GGT6: variants seen among roughly 807,000 people sequenced by gnomAD.
The protein encoded by GGT6 is glutathione hydrolase 6.
In GGT6, 13 loss-of-function variants were observed where a neutral mutation model predicts 17.0. The observed-to-expected ratio is 0.77, with a 90% CI of 0.50 to 1.22. The LOEUF (loss-of-function observed/expected upper bound fraction) is 1.22, where lower values mean the gene tolerates loss of function less well. Ranked by LOEUF, GGT6 falls within the 50% of genes most tolerant of loss-of-function variation. The probability of loss-of-function intolerance (pLI) is 0.00; values close to 1 mark genes in which losing one functional copy is unlikely to be tolerated. For synonymous variants in GGT6, 305 were observed against 297.9 expected (o/e 1.02, Z -0.25); for missense variants, 628 against 643.7 (o/e 0.98, Z 0.26).
rs771609628 is a variant in GGT6 at position 4,559,363 on chromosome 17, T to A, written c.437A>T (p.His146Leu). Residue 146 changes from histidine (H) to leucine (L), a missense_variant, in exon 3 of 4, where the codon CAT becomes CTT. Coordinates refer to ENST00000381550, the MANE Select transcript of GGT6 (RefSeq NM_001288702.2). Reference protein sequence around the residue: ...VGAALCLAVVHPHATGLGAMF... With the variant: ...VGAALCLAVVLPHATGLGAMF... ...CTGACCTAGCCCCGTGGCATGAGGA[T>A]GCACCACTGCCAGGCACAATGCAGC... 3.2e-6 allele frequency: 5 copies of A among 1,551,434 alleles called. No homozygotes were observed. Among genetic ancestry groups the A allele is most frequent in the Non-Finnish European group, 4.4e-6 (5 of 1,146,760 alleles).
intron 1 of GGT6, chr17:4,559,979 G>A (rs1908524091): frequency 1.7e-6 from 1 of 599,656 alleles, no homozygotes; most frequent in Non-Finnish European, 3.0e-6. Flanking sequence ...AGCCTCTGGA[G>A]GGGAGATTGG....
intron 3 of GGT6, 98 bp from the exon 4 acceptor site, chr17:4,559,155 T>A (rs1908437264): frequency 6.9e-7 from 1 of 1,445,436 alleles, no homozygotes; most frequent in Non-Finnish European, 9.4e-7. Context: ...CAGGAGTTAC[T>A]GACCAGGCCT....
At chr17:4,556,655 C>G (rs1401105002), downstream of GGT6, among the ~76,000 whole-genome samples, 1 of 152,248 alleles carries the variant, frequency 6.6e-6, no homozygotes, top group Non-Finnish European at 1.5e-5. Context: ...TCAACTCCAA[C>G]CCCTTTGTAC....
In GGT6 at chr17:4,558,270, A is replaced by G; in HGVS notation, c.1245T>C (p.Asp415=). The change falls in exon 4 of 4, where the codon GAT becomes GAC. Residue 415 remains aspartate, a synonymous_variant. Transcript: ENST00000381550. ...GCCCCAACACATCAGCCTCTGTGTC[A>G]TCCAGGCTGCCACGGAGGATGAGGG... The part of the protein sequence containing the change: ...ACPLILRGSL[D]DTEADVLGLV... 32 of 1,614,154 alleles carry G rather than the reference A, an allele frequency of 2.0e-5. No homozygotes were observed. The highest frequency in any genetic ancestry group is 2.7e-5 in the Non-Finnish European group (32 of 1,180,044).
rs1010094474 is a variant in GGT6 at position 4,557,107 on chromosome 17, T to C, written c.*908A>G. ...CTCTTTCCACTGTCCTCCTGAAAGCTGGATCTGAACTCAGTGCTAGCCCCA... is the reference window on the plus strand; with the variant it reads ...CTCTTTCCACTGTCCTCCTGAAAGCCGGATCTGAACTCAGTGCTAGCCCCA... On this transcript the variant is annotated 3_prime_UTR_variant, in exon 4 of 4. Coordinates refer to ENST00000381550, the MANE Select transcript of GGT6 (RefSeq NM_001288702.2). The C allele has an allele frequency of 6.6e-6, 1 of 152,254 alleles. No homozygotes were observed. Among genetic ancestry groups the C allele is most frequent in the Admixed American group, 6.5e-5 (1 of 15,276 alleles). The allele number at this position is 152,254 out of a possible 1,614,324, so 9.4% of individuals were successfully genotyped here.
chr17:4,556,445 C>T (rs1908126153), downstream of GGT6, among the ~76,000 whole-genome samples: 1 of 152,114 alleles, frequency 6.6e-6, no homozygotes. Context: ...GAAGAATTTT[C>T]TTGGGAGTGG....
Position 4,559,399 on chromosome 17 carries a change from G to GCAT in GGT6, c.398_400dup (p.Asp133dup). Reference sequence around the variant, plus strand: ...CAGGCACAATGCAGCTCCAACTCCAGCATCCACGACGTTGCCCCCGGCAAC... The same window carrying GCAT: ...CAGGCACAATGCAGCTCCAACTCCAGCATCATCCACGACGTTGCCCCCGGCAAC... On this transcript the variant is annotated inframe_insertion, in exon 3 of 4. Transcript: ENST00000381550. The GCAT allele has an allele frequency of 6.4e-7, 1 of 1,551,748 alleles. No individual in the cohort carries two copies. The highest frequency in any genetic ancestry group is 8.7e-7 in the Non-Finnish European group (1 of 1,147,018).
chr17:4,559,876 G>T, intron 1 of GGT6, 116 bp from the exon 2 acceptor site: 2 of 942,122 alleles, frequency 2.1e-6, no homozygotes, highest in Non-Finnish European at 3.2e-6. Flanking sequence ...GCACAAGTCA[G>T]CCAAGGAGAA....
chr17:4,557,205 G>A lies in GGT6; in HGVS notation c.*810C>T, dbSNP rs1908215509. ...ATAGCTAGAGATTCCATCCGGTGTG[G>A]GTGATCTGAAGAATGATTGTTAGCT... On this transcript the variant is annotated 3_prime_UTR_variant, in exon 4 of 4. Transcript: ENST00000381550. The A allele has an allele frequency of 6.6e-6, 1 of 152,214 alleles. No homozygotes were observed. The highest frequency in any genetic ancestry group is 2.4e-5 in the African/African-American group (1 of 41,434). The allele number at this position is 152,214 out of a possible 1,614,324, so 9.4% of individuals were successfully genotyped here. A position where few individuals can be genotyped will look rare whatever the true frequency, so the allele number is the denominator to read the frequency against.
Position 4,560,510 on chromosome 17 carries a change from TG to T in GGT6, c.11del (p.Ala4GlufsTer34), listed in dbSNP as rs1278485774. MER[A>X]EEPVVYQKLL... is the part of the protein sequence containing the mutation. ...GCTTCTGATAGACCACGGGCTCTTCTGCCCGCTCCATGGCCCCCCAGTGCTC... is the reference window on the plus strand; with the variant it reads ...GCTTCTGATAGACCACGGGCTCTTCTCCCGCTCCATGGCCCCCCAGTGCTC... On this transcript the variant is annotated frameshift_variant, in exon 1 of 4. Coordinates refer to ENST00000381550, the MANE Select transcript of GGT6 (RefSeq NM_001288702.2). LOFTEE classifies it high-confidence loss of function. 6.2e-7 allele frequency: 1 copy of T among 1,611,138 alleles called. No homozygotes were observed. Among genetic ancestry groups the T allele is most frequent in the African/African-American group, 1.3e-5 (1 of 74,944 alleles).
downstream of GGT6, among the ~76,000 whole-genome samples, chr17:4,556,379 G>A (rs1215439224): frequency 6.6e-6 from 1 of 152,156 alleles, no homozygotes; most frequent in Non-Finnish European, 1.5e-5. Context: ...GAGGAAATGA[G>A]GGGGATGCCA....
Position 4,559,024 on chromosome 17 carries a change from G to C in GGT6, c.491C>G (p.Ser164Cys), listed in dbSNP as rs1252920851. 6.5e-7 allele frequency: 1 copy of C among 1,543,104 alleles called. No individual in the cohort carries two copies. The change falls in exon 4 of 4, where the codon TCC becomes TGC. Residue 164 changes from serine (S) to cysteine (C), a missense_variant. By Grantham distance (112) the Ser-to-Cys change is moderately radical. Transcript: ENST00000381550. ...TGTCAGGGCCGTGGAATTGCCTGAG[G>C]AGCTATCGTGGAAGAGGCCCCAAAA... ...AMFWGLFHDSSSGNSTALTSG... is the reference protein window; with the variant it reads ...AMFWGLFHDSCSGNSTALTSG...
Position 4,559,655 on chromosome 17 carries a change from G to T in GGT6, c.246C>A (p.Gly82=). 2 of 1,613,384 alleles carry T rather than the reference G, an allele frequency of 1.2e-6. No homozygotes were observed. Among genetic ancestry groups the T allele is most frequent in the Non-Finnish European group, 1.7e-6 (2 of 1,179,990 alleles). ...CAGAGCCCAAGCTTCCTGTCGACCT[G>T]CCCTGATTCTGGAGCTGCCTCACAG... The part of the protein sequence containing the change: ...SLAVRQLQNQ[G]RSTGSLGSVA... Residue 82 remains glycine (G), a synonymous_variant, in exon 2 of 4, where the codon GGC becomes GGA. Transcript: ENST00000381550.
Position 4,558,899 on chromosome 17 carries a change from G to A in GGT6, c.616C>T (p.Arg206Cys), listed in dbSNP as rs775762724. 3.6e-5 allele frequency: 55 copies of A among 1,548,638 alleles called. No homozygotes were observed. Among genetic ancestry groups the A allele is most frequent in the African/African-American group, 6.8e-5 (5 of 73,024 alleles). ...AGCGTGGTGGGGCCCACTAGCAGGC[G>A]TGGCCAGGGCAGGCGGCCGAAGCGT... is the stretch of plus-strand genomic sequence containing the variant. The part of the protein sequence containing the change: ...HARFGRLPWP[R>C]LLVGPTTLAQ... The change falls in exon 4 of 4, where the codon CGC (arginine) becomes TGC (cysteine). Residue 206 changes from arginine (R) to cysteine (C), a missense_variant. Arg to Cys is a radical substitution (Grantham distance 180). Coordinates refer to ENST00000381550, the MANE Select transcript of GGT6 (RefSeq NM_001288702.2).
rs1267461683 is a variant in GGT6 at position 4,558,558 on chromosome 17, A to C, written c.957T>G (p.Ser319Arg). The part of the protein sequence containing the change: ...VPQGILFTTP[S>R]PSAGPELLAL... ...CCAGCAGTTCTGGGCCAGCTGAGGG[A>C]CTGGGGGTGGTGAACAGGATGCCCT... The change falls in exon 4 of 4, where the codon AGT becomes AGG. Residue 319 changes from serine (S) to arginine (R), a missense_variant. Physicochemically the swap from Ser to Arg is moderately radical, Grantham distance 110 (BLOSUM62 -1). Coordinates refer to ENST00000381550, the MANE Select transcript of GGT6 (RefSeq NM_001288702.2). 5.1e-6 allele frequency: 8 copies of C among 1,570,682 alleles called. No individual in the cohort carries two copies. The Admixed American group carries it at 1.1e-4, about 21-fold the overall frequency.
In GGT6 at chr17:4,558,267, G is replaced by C; in HGVS notation, c.1248C>G (p.Asp416Glu). 1 of 1,614,140 alleles carries C rather than the reference G, an allele frequency of 6.2e-7. No homozygotes were observed. The highest frequency in any genetic ancestry group is 8.5e-7 in the Non-Finnish European group (1 of 1,180,050). The change falls in exon 4 of 4, where the codon GAC becomes GAG. Residue 416 changes from aspartate (D) to glutamate (E), a missense_variant. By Grantham distance (45) the Asp-to-Glu change is conservative. Coordinates refer to ENST00000381550, the MANE Select transcript of GGT6 (RefSeq NM_001288702.2). ...CPLILRGSLD[D>E]TEADVLGLVA... is the part of the protein sequence containing the mutation. ...CAAGCCCCAACACATCAGCCTCTGT[G>C]TCATCCAGGCTGCCACGGAGGATGA...
chr17:4,558,913 C>A lies in GGT6; in HGVS notation c.602G>T (p.Arg201Leu), dbSNP rs1007305971. 1 of 1,548,396 alleles carries A rather than the reference C, an allele frequency of 6.5e-7. No homozygotes were observed. The highest frequency in any genetic ancestry group is 8.7e-7 in the Non-Finnish European group (1 of 1,145,806). The change falls in exon 4 of 4, where the codon CGC (arginine) becomes CTC (leucine). Residue 201 changes from arginine (R) to leucine (L), a missense_variant. Coordinates refer to ENST00000381550, the MANE Select transcript of GGT6 (RefSeq NM_001288702.2). ...TLHLLHARFG[R>L]LPWPRLLVGP... ...CACTAGCAGGCGTGGCCAGGGCAGG[C>A]GGCCGAAGCGTGCATGCAGCAGGTG...
Position 4,557,723 on chromosome 17 carries a change from TCAAG to T in GGT6, c.*288_*291del. 1 of 310,694 alleles carries T rather than the reference TCAAG, an allele frequency of 3.2e-6. No individual in the cohort carries two copies. The highest frequency in any genetic ancestry group is 6.0e-6 in the Non-Finnish European group (1 of 167,292). The allele number at this position is 310,694 out of a possible 1,614,324, so 19.2% of individuals were successfully genotyped here. On this transcript the variant is annotated 3_prime_UTR_variant, in exon 4 of 4. Coordinates refer to ENST00000381550, the MANE Select transcript of GGT6 (RefSeq NM_001288702.2). ...TCTCTGCAGCCTTGAACTCCTGAGC[TCAAG>T]CGAGCTTCCTGCCTCAGCCTCCCAA...
Position 4,557,675 on chromosome 17 carries a change from G to C in GGT6, c.*340C>G, listed in dbSNP as rs1347946165. The C allele has an allele frequency of 5.1e-6, 1 of 197,052 alleles. No individual in the cohort carries two copies. The highest frequency in any genetic ancestry group is 5.5e-5 in the Admixed American group (1 of 18,054). The allele number at this position is 197,052 out of a possible 1,614,324, so 12.2% of individuals were successfully genotyped here. ...GGTTCTCACTCTGTTGTCCAGGCTG[G>C]AGTGCAGTGGTGTGATCCTAGCTCT... On this transcript the variant is annotated 3_prime_UTR_variant, in exon 4 of 4. Transcript: ENST00000381550.
Sources: gnomAD v4.1 joint callset for allele counts (sites outside exome capture counted in the v4.1 genomes callset) on GRCh38, gnomAD v4.1.1 for gene constraint, MANE v1.5 for transcripts, NCBI Gene and HGNC (gene_info 2026-07-23, HGNC 2026-07-21) for gene names.